SLC24A3: variants seen among roughly 807,000 people sequenced by gnomAD.
SLC24A3 encodes the protein solute carrier family 24 member 3.
In SLC24A3, 28 loss-of-function variants were observed where a neutral mutation model predicts 75.8. The observed-to-expected ratio is 0.37, with a 90% CI of 0.27 to 0.51. The LOEUF (loss-of-function observed/expected upper bound fraction) is 0.51. Ranked by LOEUF, SLC24A3 falls within the 20% of genes least tolerant of loss-of-function variation. SLC24A3 has a pLI of 0.94. For synonymous variants in SLC24A3, 372 were observed against 334.1 expected (o/e 1.11, Z -1.24); for missense variants, 663 against 847.8 (o/e 0.78, Z 2.71).
At chr20:19,398,018 G>A (rs1600464103) in intron 2 of SLC24A3, among the ~76,000 whole-genome samples, 1 of 152,022 alleles carries the variant, frequency 6.6e-6, no homozygotes, top group African/African-American at 2.4e-5. Flanking sequence ...GATTATGGAT[G>A]TTTTCTACTT....
In SLC24A3 at chr20:19,676,252, A is replaced by G. The variant is rs149864658; in HGVS notation, c.767+2598A>G. 3.2e-3 allele frequency among the ~76,000 whole-genome samples: 492 copies of G among 152,312 alleles called. 2 individuals carry two copies. Among genetic ancestry groups the G allele is most frequent in the African/African-American group, 0.011 (449 of 41,572 alleles). Reference sequence around the variant, plus strand: ...TGAGTCGCTGGCAGGACACGTGTACAGTAAGATAGTACAGCGAACACATCC... The same window carrying G: ...TGAGTCGCTGGCAGGACACGTGTACGGTAAGATAGTACAGCGAACACATCC... On this transcript the variant is annotated intron_variant, in intron 9 of 16. Transcript: ENST00000328041.
chr20:19,296,405 T>C (rs1316194067), intron 2 of SLC24A3, among the ~76,000 whole-genome samples: 2 of 152,080 alleles, frequency 1.3e-5, no homozygotes, highest in Non-Finnish European at 2.9e-5. Flanking sequence ...GGGGTTTGTT[T>C]GCTCTTGGTT....
At chr20:19,666,577 A>T (rs2032402580) in intron 8 of SLC24A3, among the ~76,000 whole-genome samples, 1 of 152,198 alleles carries the variant, frequency 6.6e-6, no homozygotes, top group African/African-American at 2.4e-5. Context: ...CTTAGGAATT[A>T]GGACCCAGGC....
intron 9 of SLC24A3, among the ~76,000 whole-genome samples, chr20:19,680,976 G>A (rs1018822631): frequency 1.3e-5 from 2 of 152,216 alleles, no homozygotes; most frequent in African/African-American, 2.4e-5. Flanking sequence ...CTGTCCCATG[G>A]CCAGTAAACG....
intron 6 of SLC24A3, among the ~76,000 whole-genome samples, chr20:19,637,924 G>A (rs1002000809): frequency 6.6e-6 from 1 of 152,142 alleles, no homozygotes; most frequent in Non-Finnish European, 1.5e-5. Context: ...AGAGAATGCA[G>A]GACATAATAT....
chr20:19,370,965 G>C (rs1276391894), intron 2 of SLC24A3, among the ~76,000 whole-genome samples: 2 of 152,126 alleles, frequency 1.3e-5, no homozygotes, highest in African/African-American at 4.8e-5. Flanking sequence ...ATGAAATGGA[G>C]GATCAGAGAT....
At chr20:19,269,794 A>G (rs549006742) in intron 1 of SLC24A3, among the ~76,000 whole-genome samples, 6 of 152,342 alleles carry the variant, frequency 3.9e-5, no homozygotes, top group African/African-American at 1.4e-4. Flanking sequence ...TGAGGTGGGC[A>G]CACAATTATA....
intron 11 of SLC24A3, 42 bp downstream of exon 11, chr20:19,684,378 G>T (rs2032649146): frequency 5.1e-6 from 8 of 1,567,168 alleles, no homozygotes; most frequent in Non-Finnish European, 6.9e-6. Flanking sequence ...GGACAGGGGT[G>T]GGAAACTCTG....
intron 2 of SLC24A3, among the ~76,000 whole-genome samples, chr20:19,285,887 A>G (rs1446186654): frequency 6.6e-6 from 1 of 152,252 alleles, no homozygotes; most frequent in Non-Finnish European, 1.5e-5. Context: ...TGCACTTTAC[A>G]GAATTTTATT....
chr20:19,609,999 G>A (rs890713468), intron 6 of SLC24A3, among the ~76,000 whole-genome samples: 1 of 152,122 alleles, frequency 6.6e-6, no homozygotes, highest in Non-Finnish European at 1.5e-5. Context: ...ATCTTGAATC[G>A]CAGACCAGGA....
chr20:19,276,826 G>A (rs1983501960), intron 1 of SLC24A3, among the ~76,000 whole-genome samples: 1 of 151,968 alleles, frequency 6.6e-6, no homozygotes, highest in African/African-American at 2.4e-5. Flanking sequence ...GATCATGTGA[G>A]CCTCGGAGTT....
chr20:19,541,328 T>C (rs2030492894), intron 3 of SLC24A3, among the ~76,000 whole-genome samples: 1 of 152,246 alleles, frequency 6.6e-6, no homozygotes, highest in South Asian at 2.1e-4. Flanking sequence ...CCCCATTCAC[T>C]GTTATCTGCC....
chr20:19,428,431 G>A (rs1016839107), intron 2 of SLC24A3, among the ~76,000 whole-genome samples: 8 of 152,170 alleles, frequency 5.3e-5, no homozygotes, highest in African/African-American at 1.9e-4. Flanking sequence ...GGAGTTCAGG[G>A]CACTGTCAGC....
chr20:19,677,771 T>C (rs1374685435), intron 9 of SLC24A3, among the ~76,000 whole-genome samples: 2 of 149,526 alleles, frequency 1.3e-5, no homozygotes, highest in East Asian at 4.0e-4. Flanking sequence ...TTTGGCAGGG[T>C]CGTAGGACAA....
intron 2 of SLC24A3, among the ~76,000 whole-genome samples, chr20:19,429,438 C>G (rs772482264): frequency 6.6e-6 from 1 of 152,222 alleles, no homozygotes; most frequent in East Asian, 1.9e-4. Context: ...TGAAAGAAGC[C>G]TATGGAAAGC....
At chr20:19,376,514 C>A (rs528234860) in intron 2 of SLC24A3, among the ~76,000 whole-genome samples, 4 of 152,320 alleles carry the variant, frequency 2.6e-5, no homozygotes, top group African/African-American at 9.6e-5. Context: ...ATCGTTCTAG[C>A]CCTGCTGCGA....
intron 12 of SLC24A3, among the ~76,000 whole-genome samples, chr20:19,692,295 G>C (rs2032753290): frequency 6.6e-6 from 1 of 152,196 alleles, no homozygotes; most frequent in South Asian, 2.1e-4. Flanking sequence ...GTCCAAGAGA[G>C]ATGAAACATG....
chr20:19,385,669 T>C (rs2122380164), intron 2 of SLC24A3, among the ~76,000 whole-genome samples: 1 of 150,246 alleles, frequency 6.7e-6, no homozygotes, highest in South Asian at 2.1e-4. Context: ...TGAGACAGGG[T>C]CTCACTATGT....
At chr20:19,696,015 C>CTTTTTTTTT (rs778046824) in intron 13 of SLC24A3, among the ~76,000 whole-genome samples, 1,319 of 107,998 alleles carry the variant, frequency 0.012, 44 homozygotes, top group Non-Finnish European at 0.014. Context: ...TTTTCCTTTT[C>CTTTTTTTTT]TTTTTTTTTT....
Sources: allele counts gnomAD v4.1 joint callset (sites outside exome capture counted in the v4.1 genomes callset), GRCh38; gene constraint gnomAD v4.1.1; transcripts MANE v1.5; gene names NCBI Gene and HGNC (gene_info 2026-07-23, HGNC 2026-07-21).